The following TSHZ2 variants were observed in gnomAD, a reference collection of about 807,000 sequenced individuals.
TSHZ2 encodes teashirt homolog 2.
TSHZ2 carries 21 observed loss-of-function variants against 74.4 expected under a neutral mutation model. The ratio of observed to expected loss-of-function variants is 0.28; its 90% CI spans 0.20 to 0.41. The LOEUF (loss-of-function observed/expected upper bound fraction) is 0.41. Among genes scored for constraint, TSHZ2 ranks in the 10% least tolerant of loss-of-function variants. The pLI, the probability that TSHZ2 is intolerant of heterozygous loss-of-function variation, is 1.00. For synonymous variants in TSHZ2, 540 were observed against 515.3 expected (o/e 1.05, Z -0.65); for missense variants, 1,244 against 1,293.5 (o/e 0.96, Z 0.59).
At chr20:53,212,541 G>A (rs1238153294) in intron 1 of TSHZ2, among the ~76,000 whole-genome samples, 8 of 152,148 alleles carry the variant, frequency 5.3e-5, no homozygotes, top group Non-Finnish European at 1.2e-4. Flanking sequence ...GGGACACATC[G>A]AGGGGGAGGG....
intron 2 of TSHZ2, among the ~76,000 whole-genome samples, chr20:53,283,399 A>C (rs1314649817): frequency 6.6e-6 from 1 of 152,124 alleles, no homozygotes; most frequent in Non-Finnish European, 1.5e-5. Context: ...TCCTGCCATC[A>C]CACCAGATAG....
intron 1 of TSHZ2, among the ~76,000 whole-genome samples, chr20:52,989,199 T>G (rs74806307): frequency 6.6e-6 from 1 of 150,606 alleles, no homozygotes; most frequent in Admixed American, 6.6e-5. Flanking sequence ...TTTTTAGTTA[T>G]TATTGGTGAT....
intron 1 of TSHZ2, among the ~76,000 whole-genome samples, chr20:53,218,064 T>G (rs1989475764): frequency 6.6e-6 from 1 of 152,204 alleles, no homozygotes; most frequent in Non-Finnish European, 1.5e-5. Context: ...AAGCCGAGGC[T>G]CCTTTGAAGG....
At chr20:53,043,566 CAT>C (rs1423646359) in intron 1 of TSHZ2, among the ~76,000 whole-genome samples, 1 of 152,060 alleles carries the variant, frequency 6.6e-6, no homozygotes, top group African/African-American at 2.4e-5. Context: ...ATCTCTGAAA[CAT>C]AGTCTCCATT....
chr20:53,301,654 T>C (rs1472099255), intron 2 of TSHZ2, among the ~76,000 whole-genome samples: 1 of 152,206 alleles, frequency 6.6e-6, no homozygotes, highest in East Asian at 1.9e-4. Context: ...GATACACGTT[T>C]GCAAAAAGCA....
chr20:53,083,134 T>C (rs1403210838), intron 1 of TSHZ2, among the ~76,000 whole-genome samples: 2 of 152,240 alleles, frequency 1.3e-5, no homozygotes, highest in African/African-American at 4.8e-5. Context: ...GTCCAAATTT[T>C]GATGTAGGTA....
chr20:53,442,688 C>T (rs1169741778), intron 2 of TSHZ2, among the ~76,000 whole-genome samples: 1 of 152,214 alleles, frequency 6.6e-6, no homozygotes, highest in Non-Finnish European at 1.5e-5. Context: ...CTCTGTCTCC[C>T]TAATTGGGCA....
At chr20:53,402,739 C>T (rs56825232) in intron 2 of TSHZ2, among the ~76,000 whole-genome samples, 7,647 of 152,144 alleles carry the variant, frequency 0.05, 598 homozygotes, top group African/African-American at 0.18. Flanking sequence ...CAGTGGGATG[C>T]TTGTGTGCAG....
At chr20:53,448,081 T>A (rs576959156) in intron 2 of TSHZ2, among the ~76,000 whole-genome samples, 121 of 152,068 alleles carry the variant, frequency 8.0e-4, no homozygotes, top group African/African-American at 2.8e-3. Flanking sequence ...GCCCCGCTAC[T>A]TTTTTGTATT....
intron 1 of TSHZ2, among the ~76,000 whole-genome samples, chr20:53,020,844 A>G (rs1352321715): frequency 2.6e-5 from 4 of 152,206 alleles, no homozygotes; most frequent in Non-Finnish European, 2.9e-5. Flanking sequence ...CAGTCTTCCA[A>G]TTAAGACCAT....
At chr20:53,422,039 C>T (rs1050191266) in intron 2 of TSHZ2, among the ~76,000 whole-genome samples, 7 of 152,216 alleles carry the variant, frequency 4.6e-5, no homozygotes, top group African/African-American at 1.7e-4. Flanking sequence ...GAGAGCACCC[C>T]GCCACCCCAT....
chr20:53,176,469 G>A (rs1161312663), intron 1 of TSHZ2, among the ~76,000 whole-genome samples: 1 of 152,096 alleles, frequency 6.6e-6, no homozygotes, highest in Non-Finnish European at 1.5e-5. Flanking sequence ...TTGCTAGGGA[G>A]CATTGTTAGA....
chr20:53,057,539 T>C (rs757622906), intron 1 of TSHZ2, among the ~76,000 whole-genome samples: 13 of 152,222 alleles, frequency 8.5e-5, no homozygotes, highest in Non-Finnish European at 1.8e-4. Flanking sequence ...CATTTGCTTT[T>C]TATGTTGTTA....
At chr20:53,389,548 G>A (rs1982173751) in intron 2 of TSHZ2, among the ~76,000 whole-genome samples, 1 of 152,232 alleles carries the variant, frequency 6.6e-6, no homozygotes, top group Non-Finnish European at 1.5e-5. Flanking sequence ...ATGCTAGGAG[G>A]AGGTGACAGA....
At position 53,270,414 on chromosome 20, in the gene TSHZ2, T is replaced by A. The variant is rs921281708; in HGVS notation, c.*8+13843T>A. 7.9e-5 allele frequency among the ~76,000 whole-genome samples: 12 copies of A among 152,266 alleles called. 1 individual carries two copies. The highest frequency in any genetic ancestry group is 5.9e-4 in the Admixed American group (9 of 15,288). ...CTCCTAAATTCTATAAAGAAGGAAC[T>A]ATGATTGCACCCAGCTTACAGGTGA... On this transcript the variant is annotated intron_variant, in intron 2 of 2. Coordinates refer to ENST00000371497, the MANE Select transcript of TSHZ2 (RefSeq NM_173485.6).
At chr20:53,040,873 G>T (rs1984016363) in intron 1 of TSHZ2, among the ~76,000 whole-genome samples, 2 of 152,134 alleles carry the variant, frequency 1.3e-5, no homozygotes, top group South Asian at 4.2e-4. Flanking sequence ...CCACAGCCTG[G>T]CACGGTGCCA....
At chr20:53,454,195 A>G (rs955202137) in intron 2 of TSHZ2, among the ~76,000 whole-genome samples, 1 of 152,148 alleles carries the variant, frequency 6.6e-6, no homozygotes, top group African/African-American at 2.4e-5. Context: ...TGGTTTCTTT[A>G]GGCCACAAAA....
At chr20:53,042,848 C>T (rs1167091544) in intron 1 of TSHZ2, among the ~76,000 whole-genome samples, 1 of 152,158 alleles carries the variant, frequency 6.6e-6, no homozygotes, top group Non-Finnish European at 1.5e-5. Context: ...ACTAGAAATG[C>T]TGGCACAAAT....
chr20:53,403,091 T>C (rs890718462), intron 2 of TSHZ2, among the ~76,000 whole-genome samples: 11 of 152,214 alleles, frequency 7.2e-5, no homozygotes, highest in African/African-American at 2.7e-4. Context: ...CCAGTGTCTG[T>C]CATTCCCATG....
Sources: gnomAD v4.1 joint callset for allele counts (sites outside exome capture counted in the v4.1 genomes callset) on GRCh38, gnomAD v4.1.1 for gene constraint, MANE v1.5 for transcripts, NCBI Gene and HGNC (gene_info 2026-07-23, HGNC 2026-07-21) for gene names.